Variants in MACF1 observed in about 807,000 individuals in gnomAD.
The protein encoded by MACF1 is microtubule actin crosslinking factor 1.
A neutral mutation model predicts 854.8 loss-of-function variants in MACF1; 193 were observed. The ratio of observed to expected loss-of-function variants is 0.23; its 90% confidence interval spans 0.20 to 0.25. The LOEUF (loss-of-function observed/expected upper bound fraction) is 0.25, where lower values mean the gene tolerates loss of function less well. Among genes scored for constraint, MACF1 ranks in the 10% least tolerant of loss-of-function variants. The pLI is 1.00. For missense variants in MACF1, 7,722 were observed against 8,929.1 expected (o/e 0.86, Z 5.45); for synonymous variants, 3,185 against 3,226.7 (o/e 0.99, Z 0.44).
Position 39,463,595 on chromosome 1 carries a change from T to C in MACF1, c.21679-17T>C. ...TGCTCTACCCTTTACACTTTCCTTT[T>C]TGTTCACACCCAATAGGTTACAAGA... On this transcript the variant is annotated splice_polypyrimidine_tract_variant and intron_variant, in intron 93 of 100. Coordinates refer to ENST00000564288, the MANE Select transcript of MACF1 (RefSeq NM_001394062.1). The C allele has an allele frequency of 6.2e-7, 1 of 1,607,158 alleles. No homozygotes were observed. Among genetic ancestry groups the C allele is most frequent in the Non-Finnish European group, 8.5e-7 (1 of 1,173,736 alleles).
At chr1:39,287,246 A>G in intron 14 of MACF1, 40 bp from the exon 15 acceptor site, 1 of 1,586,376 alleles carries the variant, frequency 6.3e-7, no homozygotes, top group Non-Finnish European at 8.6e-7. Flanking sequence ...ACTATACTAT[A>G]GATTTAAATC....
chr1:39,415,430 G>T (rs1643256873), intron 58 of MACF1, among the ~76,000 whole-genome samples: 3 of 150,648 alleles, frequency 2.0e-5, no homozygotes. Flanking sequence ...CCACCTCCCG[G>T]GTTCACGCCA....
At chr1:39,453,923 C>T (rs1346595361) in intron 88 of MACF1, 73 bp downstream of exon 88, 1 of 1,489,510 alleles carries the variant, frequency 6.7e-7, no homozygotes, top group Non-Finnish European at 9.1e-7. Flanking sequence ...AGTATTTTTC[C>T]CCCAGGTAAG....
chr1:39,100,372 G>A (rs1042821962), intron 2 of MACF1, among the ~76,000 whole-genome samples: 1 of 152,186 alleles, frequency 6.6e-6, no homozygotes, highest in African/African-American at 2.4e-5. Flanking sequence ...ACACAAGGGT[G>A]TCATTGGAGA....
At chr1:39,212,824 C>T (rs948290486) in intron 1 of MACF1, among the ~76,000 whole-genome samples, 19 of 152,270 alleles carry the variant, frequency 1.2e-4, no homozygotes, top group Admixed American at 9.2e-4. Context: ...GGGGTTTCGC[C>T]ATGTTGGCCA....
At chr1:39,234,793 G>A (rs1277492361) in intron 2 of MACF1, among the ~76,000 whole-genome samples, 2 of 106,884 alleles carry the variant, frequency 1.9e-5, no homozygotes, top group Non-Finnish European at 4.3e-5. Flanking sequence ...CTCAGACGGG[G>A]CGGCCGGGCA....
chr1:39,410,107 T>C (rs1020717497), intron 58 of MACF1: 1 of 530,442 alleles, frequency 1.9e-6, no homozygotes, highest in Non-Finnish European at 3.3e-6. Flanking sequence ...CCCAGAATGG[T>C]TTCAAAACGG....
chr1:39,436,468 G>A lies in MACF1; in HGVS notation c.17988+707G>A, dbSNP rs369020749. On this transcript the variant is annotated intron_variant, in intron 70 of 100. Coordinates refer to ENST00000564288, the MANE Select transcript of MACF1 (RefSeq NM_001394062.1). Reference sequence around the variant, plus strand: ...CACATTTCATTGTTGTGTTGACCGCGCCCACCATTACAGATTACAGAGGTA... The same window carrying A: ...CACATTTCATTGTTGTGTTGACCGCACCCACCATTACAGATTACAGAGGTA... 33 of 1,613,782 alleles carry A rather than the reference G, an allele frequency of 2.0e-5. No individual in the cohort carries two copies. In the African/African-American group the frequency reaches 3.5e-4, roughly 17 times the overall value.
chr1:39,432,125 C>A (rs1375317137), intron 66 of MACF1, among the ~76,000 whole-genome samples: 3 of 152,146 alleles, frequency 2.0e-5, no homozygotes, highest in Admixed American at 2.0e-4. Flanking sequence ...CGGGCACTTC[C>A]GAGTTAACTT....
At chr1:39,411,497 C>T in intron 58 of MACF1, 1 of 1,613,498 alleles carries the variant, frequency 6.2e-7, no homozygotes. Flanking sequence ...GCTACTGTTC[C>T]CAAGGATATA....
intron 44 of MACF1, among the ~76,000 whole-genome samples, chr1:39,356,689 T>C (rs940060676): frequency 1.3e-5 from 2 of 152,200 alleles, no homozygotes; most frequent in African/African-American, 4.8e-5. Context: ...AATTTTTATA[T>C]TGTCACATGT....
chr1:39,229,198 A>C (rs1644751473), intron 1 of MACF1, among the ~76,000 whole-genome samples: 1 of 152,196 alleles, frequency 6.6e-6, no homozygotes, highest in Admixed American at 6.5e-5. Context: ...AGAGAATTAG[A>C]CTATATAATT....
At chr1:39,288,574 C>T (rs927748829) in intron 15 of MACF1, among the ~76,000 whole-genome samples, 12 of 151,114 alleles carry the variant, frequency 7.9e-5, no homozygotes, top group Non-Finnish European at 1.3e-4. Flanking sequence ...CCGAGGTGGG[C>T]GGATTGTGTG....
intron 1 of MACF1, among the ~76,000 whole-genome samples, chr1:39,224,602 G>A (rs1055367365): frequency 9.2e-5 from 14 of 152,296 alleles, no homozygotes; most frequent in African/African-American, 3.1e-4. Context: ...AGGAGGTGGG[G>A]AAGTGAAGTC....
At chr1:39,369,483 T>C (rs1649041417) in intron 50 of MACF1, among the ~76,000 whole-genome samples, 1 of 152,216 alleles carries the variant, frequency 6.6e-6, no homozygotes, top group Admixed American at 6.5e-5. Context: ...AGGGCCTTTT[T>C]ACTGTATGAG....
chr1:39,416,502 A>T (rs1480442788), intron 58 of MACF1, among the ~76,000 whole-genome samples: 1 of 152,172 alleles, frequency 6.6e-6, no homozygotes, highest in Non-Finnish European at 1.5e-5. Context: ...AGAAAAAAAA[A>T]AAAACAGAAT....
intron 6 of MACF1, among the ~76,000 whole-genome samples, chr1:39,271,113 C>G (rs1325497773): frequency 6.6e-6 from 1 of 152,146 alleles, no homozygotes; most frequent in Non-Finnish European, 1.5e-5. Context: ...ATATGGGGCG[C>G]ATGAATGTAT....
At chr1:39,396,529 G>A (rs1490032767) in intron 58 of MACF1, among the ~76,000 whole-genome samples, 1 of 152,168 alleles carries the variant, frequency 6.6e-6, no homozygotes, top group Admixed American at 6.6e-5. Flanking sequence ...TGATCGTTTA[G>A]TAGTTGATTA....
In MACF1 at chr1:39,441,122, T is replaced by A. The variant is rs770372913; in HGVS notation, c.18567T>A (p.Asp6189Glu). Residue 6189 changes from aspartate (D) to glutamate (E), a missense_variant, in exon 73 of 101, where the codon GAT becomes GAA. By Grantham distance (45) the Asp-to-Glu change is conservative. This residue lies in a region of MACF1 where 2,807 missense variants were observed against 3,235.8 expected (regional missense o/e 0.87). Transcript: ENST00000564288. ...AGCCTGAAGTGAGGAAGAGCATTGA[T>A]GAGGTGTGGAGAAATGGATGAGGCA... ...TEKPEVRKSI[D>E]EMNNAWENLN... 8 of 1,613,966 alleles carry A rather than the reference T, an allele frequency of 5.0e-6. No homozygotes were observed. In the South Asian group the frequency reaches 8.8e-5, roughly 18 times the overall value.
Sources: gnomAD v4.1 joint callset for allele counts (sites outside exome capture counted in the v4.1 genomes callset) on GRCh38, gnomAD v4.1.1 for gene constraint, gnomAD v4.1.1 regional missense constraint, MANE v1.5 for transcripts, NCBI Gene and HGNC (gene_info 2026-07-23, HGNC 2026-07-21) for gene names.